STARD13: variants seen among roughly 807,000 people sequenced by gnomAD.
The protein encoded by STARD13 is stAR-related lipid transfer protein 13.
In STARD13, 62 loss-of-function variants were observed where a neutral mutation model predicts 106.4. That is an observed-to-expected ratio of 0.58 (90% CI 0.48 to 0.72). The LOEUF is 0.72. Ranked by LOEUF, STARD13 falls within the 30% of genes least tolerant of loss-of-function variation. STARD13 has a pLI of 0.00. For synonymous variants in STARD13, 565 were observed against 553.0 expected, an observed-to-expected ratio of 1.02 and a Z score of -0.31; for missense variants, 1,387 against 1,424.0, an observed-to-expected ratio of 0.97 and a Z score of 0.42.
At chr13:33,177,846 G>A (rs866557212) in intron 1 of STARD13, among the ~76,000 whole-genome samples, 3 of 11,046 alleles carry the variant, frequency 2.7e-4, no homozygotes, top group African/African-American at 1.1e-3. Context: ...GGAAGGAAAG[G>A]AAGGAAGGAA....
At chr13:33,644,680 T>C in the STARD13 span, among the ~76,000 whole-genome samples, 316 of 152,240 alleles carry the variant, frequency 2.1e-3, 1 homozygote, top group African/African-American at 7.5e-3. Flanking sequence ...TCCAAGCCTA[T>C]AATTGACAAA....
the STARD13 span, among the ~76,000 whole-genome samples, chr13:33,656,538 C>T: frequency 3.9e-5 from 6 of 152,162 alleles, no homozygotes; most frequent in African/African-American, 7.2e-5. Context: ...GTCTAGCTCT[C>T]GTTCCTCATT....
intron 11 of STARD13, 126 bp downstream of exon 11, chr13:33,110,560 G>A (rs1050578130): frequency 7.9e-6 from 6 of 764,276 alleles, no homozygotes; most frequent in African/African-American, 1.7e-5. Context: ...AATGGTTCAT[G>A]TGCCTTAACT....
At chr13:33,668,092 C>G in the STARD13 span, among the ~76,000 whole-genome samples, 2 of 152,172 alleles carry the variant, frequency 1.3e-5, no homozygotes, top group Non-Finnish European at 1.5e-5. Flanking sequence ...CATGTGGCTG[C>G]GCTGGAGTCT....
At chr13:33,395,464 G>T in the STARD13 span, among the ~76,000 whole-genome samples, 1 of 152,064 alleles carries the variant, frequency 6.6e-6, no homozygotes. Context: ...TTTAAATGAT[G>T]CACCATTGTT....
At chr13:33,173,422 G>A (rs1176092805) in intron 1 of STARD13, among the ~76,000 whole-genome samples, 1 of 152,236 alleles carries the variant, frequency 6.6e-6, no homozygotes, top group East Asian at 1.9e-4. Context: ...AGAACCATAC[G>A]CTACCACCAT....
chr13:33,487,038 G>T, the STARD13 span, among the ~76,000 whole-genome samples: 2 of 152,138 alleles, frequency 1.3e-5, no homozygotes, highest in South Asian at 2.1e-4. Flanking sequence ...AGAAAGTATG[G>T]TTATTGGTCT....
At chr13:33,469,820 TC>T in the STARD13 span, among the ~76,000 whole-genome samples, 2 of 149,600 alleles carry the variant, frequency 1.3e-5, no homozygotes, top group Non-Finnish European at 2.9e-5. Context: ...TCCCAAATAA[TC>T]CACTTCAAGC....
intron 1 of STARD13, among the ~76,000 whole-genome samples, chr13:33,215,129 G>C (rs1038323131): frequency 1.3e-4 from 15 of 117,580 alleles, no homozygotes; most frequent in African/African-American, 4.3e-4. Flanking sequence ...TGGGGGGGGG[G>C]GTGGGGGGAA....
chr13:33,453,309 A>G, the STARD13 span, among the ~76,000 whole-genome samples: 1 of 152,220 alleles, frequency 6.6e-6, no homozygotes, highest in African/African-American at 2.4e-5. Context: ...AGCTGAATAT[A>G]CGCCAATAGA....
chr13:33,264,894 G>A (rs574927619), intron 1 of STARD13, among the ~76,000 whole-genome samples: 7 of 152,284 alleles, frequency 4.6e-5, no homozygotes, highest in Admixed American at 6.5e-5. Flanking sequence ...GAGACAACCC[G>A]TCTTGATGAA....
chr13:33,663,151 A>T, the STARD13 span, among the ~76,000 whole-genome samples: 1 of 152,184 alleles, frequency 6.6e-6, no homozygotes, highest in African/African-American at 2.4e-5. Context: ...AGTGGTAAGA[A>T]CATGGCTCAT....
chr13:33,431,827 T>G, the STARD13 span, among the ~76,000 whole-genome samples: 14,594 of 152,226 alleles, frequency 0.096, 810 homozygotes, highest in African/African-American at 0.14. Flanking sequence ...GGGCCAGGGA[T>G]ACCAAGAACA....
the STARD13 span, chr13:33,657,332 C>G: frequency 6.6e-6 from 1 of 152,026 alleles, no homozygotes; most frequent in Admixed American, 6.5e-5. Context: ...ATACCTGATT[C>G]ATTCAAAAAA....
chr13:33,464,823 G>A, the STARD13 span, among the ~76,000 whole-genome samples: 23 of 152,052 alleles, frequency 1.5e-4, no homozygotes, highest in African/African-American at 4.8e-4. Context: ...GCAACAGAGC[G>A]AGACTCTTGT....
chr13:33,352,433 C>A (rs572589481), upstream of STARD13, among the ~76,000 whole-genome samples: 1 of 152,332 alleles, frequency 6.6e-6, no homozygotes, highest in South Asian at 2.1e-4. Context: ...AGAACATAAC[C>A]ATTCAAGCTA....
intron 1 of STARD13, among the ~76,000 whole-genome samples, chr13:33,176,284 A>T (rs1884512844): frequency 6.6e-6 from 1 of 152,218 alleles, no homozygotes; most frequent in Admixed American, 6.5e-5. Context: ...ATTCCTTGGC[A>T]CTGGCTCAGA....
chr13:33,545,977 A>G, the STARD13 span, among the ~76,000 whole-genome samples: 1 of 152,354 alleles, frequency 6.6e-6, no homozygotes, highest in South Asian at 2.1e-4. Flanking sequence ...CAGTTGTTAA[A>G]TAACCTTATT....
intron 8 of STARD13, chr13:33,113,271 G>T (rs951076315): frequency 1.6e-5 from 6 of 384,076 alleles, no homozygotes; most frequent in African/African-American, 1.2e-4. Flanking sequence ...GGTGAAGTTG[G>T]TGATTAGGAC....
Sources: allele counts gnomAD v4.1 joint callset (sites outside exome capture counted in the v4.1 genomes callset), GRCh38; gene constraint gnomAD v4.1.1; transcripts MANE v1.5; gene names NCBI Gene and HGNC (gene_info 2026-07-23, HGNC 2026-07-21).